The following MCTP1 variants were observed in gnomAD, a reference collection of about 807,000 sequenced individuals.
The protein encoded by MCTP1 is multiple C2 and transmembrane domain-containing protein 1.
In MCTP1, 69 loss-of-function variants were observed where a neutral mutation model predicts 120.6. That is an observed-to-expected ratio of 0.57 (90% CI 0.47 to 0.70). The LOEUF (loss-of-function observed/expected upper bound fraction) is 0.70. Ranked by LOEUF, MCTP1 falls within the 30% of genes least tolerant of loss-of-function variation. MCTP1 has a pLI of 0.00. For missense variants in MCTP1, 1,203 were observed against 1,248.8 expected (o/e 0.96, Z 0.55); for synonymous variants, 529 against 493.1 (o/e 1.07, Z -0.96).
chr5:94,848,947 G>T (rs1001967859), intron 17 of MCTP1, among the ~76,000 whole-genome samples: 1 of 151,860 alleles, frequency 6.6e-6, no homozygotes, highest in East Asian at 2.0e-4. Flanking sequence ...TGTTGACATA[G>T]TTTTGATAAA....
chr5:95,225,868 G>A (rs1270283267), intron 1 of MCTP1, among the ~76,000 whole-genome samples: 1 of 152,098 alleles, frequency 6.6e-6, no homozygotes, highest in African/African-American at 2.4e-5. Context: ...ATGTAAATAT[G>A]TATTTCATTA....
At chr5:94,832,926 C>T (rs1788885197) in intron 17 of MCTP1, among the ~76,000 whole-genome samples, 1 of 152,172 alleles carries the variant, frequency 6.6e-6, no homozygotes, top group Admixed American at 6.5e-5. Context: ...CACTGTAGCT[C>T]AAGCAATACC....
intron 1 of MCTP1, among the ~76,000 whole-genome samples, chr5:95,087,124 T>G (rs1004040516): frequency 2.6e-5 from 4 of 152,158 alleles, no homozygotes; most frequent in African/African-American, 7.2e-5. Context: ...TGAGGCAGAT[T>G]AAGGGTATCC....
intron 1 of MCTP1, among the ~76,000 whole-genome samples, chr5:95,273,039 TAG>T (rs1443376747): frequency 1.3e-5 from 2 of 152,350 alleles, no homozygotes; most frequent in South Asian, 2.1e-4. Flanking sequence ...TGCTCTCAGC[TAG>T]AGACAGCGTG....
intron 19 of MCTP1, among the ~76,000 whole-genome samples, chr5:94,731,207 T>C (rs1305470138): frequency 1.3e-5 from 2 of 152,124 alleles, no homozygotes; most frequent in African/African-American, 4.8e-5. Context: ...TAATTTAGGA[T>C]TGTTTTGGGT....
At chr5:95,018,345 G>A (rs950408909) in intron 1 of MCTP1, among the ~76,000 whole-genome samples, 4 of 151,896 alleles carry the variant, frequency 2.6e-5, no homozygotes, top group Non-Finnish European at 5.9e-5. Flanking sequence ...GATTCAAAAG[G>A]AAATGTCCTT....
chr5:95,249,876 A>C (rs944218754), intron 1 of MCTP1, among the ~76,000 whole-genome samples: 2 of 152,220 alleles, frequency 1.3e-5, no homozygotes, highest in African/African-American at 4.8e-5. Flanking sequence ...ATGAAGCTAG[A>C]AACCATCAAT....
At chr5:95,177,501 G>A (rs1479847732) in intron 1 of MCTP1, among the ~76,000 whole-genome samples, 1 of 152,080 alleles carries the variant, frequency 6.6e-6, no homozygotes, top group African/African-American at 2.4e-5. Context: ...GTTATCTGGA[G>A]CATTAAAAAA....
intron 1 of MCTP1, among the ~76,000 whole-genome samples, chr5:95,201,223 G>A (rs1399066523): frequency 1.3e-5 from 2 of 152,072 alleles, no homozygotes; most frequent in Non-Finnish European, 2.9e-5. Context: ...GTGGTTCTAG[G>A]ACAAGCAACA....
chr5:95,239,016 C>G (rs973722685), intron 1 of MCTP1, among the ~76,000 whole-genome samples: 1 of 152,098 alleles, frequency 6.6e-6, no homozygotes, highest in African/African-American at 2.4e-5. Flanking sequence ...AGCTTTTTGG[C>G]TATCATGCAT....
intron 17 of MCTP1, among the ~76,000 whole-genome samples, chr5:94,815,018 C>T (rs962718018): frequency 4.6e-5 from 7 of 152,154 alleles, no homozygotes; most frequent in African/African-American, 9.7e-5. Flanking sequence ...GCCCCACATT[C>T]GTCTACGGGA....
At chr5:94,860,804 C>T (rs1157867551) in intron 17 of MCTP1, among the ~76,000 whole-genome samples, 2 of 151,356 alleles carry the variant, frequency 1.3e-5, no homozygotes, top group East Asian at 2.0e-4. Context: ...AGCTCAATAT[C>T]CCCTGAGAAA....
intron 1 of MCTP1, among the ~76,000 whole-genome samples, chr5:95,055,212 C>T (rs1747064502): frequency 6.6e-6 from 1 of 152,036 alleles, no homozygotes; most frequent in African/African-American, 2.4e-5. Context: ...GGAGTGTTTC[C>T]TATTTTGTGG....
chr5:94,844,923 T>C (rs1791980856), intron 17 of MCTP1, among the ~76,000 whole-genome samples: 1 of 152,142 alleles, frequency 6.6e-6, no homozygotes, highest in Admixed American at 6.5e-5. Flanking sequence ...GGCCCTCTAG[T>C]TTGACTTCAC....
Position 95,165,852 on chromosome 5 carries a change from C to T in MCTP1, c.720+118004G>A, listed in dbSNP as rs148121912. Among the ~76,000 whole-genome samples the T allele has an allele frequency of 1.6e-4, 25 of 152,322 alleles. No homozygotes were observed. In the East Asian group the frequency reaches 4.4e-3, roughly 27 times the overall value. ...CTTCTTGGATCTCGACCCACTGACT[C>T]TGATGTTCCCAATTGGTCCAGAATT... On this transcript the variant is annotated intron_variant, in intron 1 of 22. Coordinates refer to ENST00000515393, the MANE Select transcript of MCTP1 (RefSeq NM_024717.7).
intron 1 of MCTP1, among the ~76,000 whole-genome samples, chr5:95,155,339 T>G (rs991276640): frequency 4.6e-5 from 7 of 152,186 alleles, no homozygotes; most frequent in Admixed American, 2.6e-4. Flanking sequence ...GCTGGGTACA[T>G]TCCTTATTCT....
At chr5:94,839,383 A>G (rs1790511069) in intron 17 of MCTP1, among the ~76,000 whole-genome samples, 1 of 152,116 alleles carries the variant, frequency 6.6e-6, no homozygotes, top group Non-Finnish European at 1.5e-5. Flanking sequence ...TTAAGCCAAT[A>G]TGTAGTATTT....
chr5:94,944,169 G>A (rs1262818529), intron 3 of MCTP1, among the ~76,000 whole-genome samples: 2 of 152,118 alleles, frequency 1.3e-5, no homozygotes, highest in African/African-American at 2.4e-5. Context: ...GATTTGAAGA[G>A]TCACATGGGG....
chr5:94,816,619 A>G (rs947087711), intron 17 of MCTP1, among the ~76,000 whole-genome samples: 1 of 152,072 alleles, frequency 6.6e-6, no homozygotes, highest in Non-Finnish European at 1.5e-5. Flanking sequence ...CCCCTTTATC[A>G]ACTTCAATTA....
Sources: gnomAD v4.1 joint callset for allele counts (sites outside exome capture counted in the v4.1 genomes callset) on GRCh38, gnomAD v4.1.1 for gene constraint, MANE v1.5 for transcripts, NCBI Gene and HGNC (gene_info 2026-07-23, HGNC 2026-07-21) for gene names.